Variants in RERE observed in about 807,000 individuals in gnomAD.
The protein encoded by RERE is arginine-glutamic acid dipeptide repeats.
A neutral mutation model predicts 146.1 loss-of-function variants in RERE; 40 were observed. The observed-to-expected ratio is 0.27, with a 90% CI of 0.21 to 0.36. The LOEUF is 0.36. Ranked by LOEUF, RERE falls within the 10% of genes least tolerant of loss-of-function variation. The probability of loss-of-function intolerance (pLI) is 1.00; values close to 1 mark genes in which losing one functional copy is unlikely to be tolerated. For synonymous variants in RERE, 1,003 were observed against 866.0 expected (o/e 1.16, Z -2.78); for missense variants, 1,933 against 2,138.7 (o/e 0.90, Z 1.90).
At chr1:8,483,655 A>G (rs1644862928) in intron 10 of RERE, among the ~76,000 whole-genome samples, 1 of 152,246 alleles carries the variant, frequency 6.6e-6, no homozygotes, top group African/African-American at 2.4e-5. Flanking sequence ...TGTGTCAGGC[A>G]TCAGACTAGG....
In RERE at chr1:8,403,825, C is replaced by CTTTTTTTTTTTTTTTTTTTTTTTTTTT. The variant is rs869295197; in HGVS notation, c.1284+18901_1284+18902insAAAAAAAAAAAAAAAAAAAAAAAAAAA. On this transcript the variant is annotated intron_variant, in intron 12 of 22. Transcript: ENST00000400908. ...TCTATTTTTCTTAATAAAATCTTAG[C>CTTTTTTTTTTTTTTTTTTTTTTTTTTT]TTTTTTTTTTTTTTTTTTTTTTTGA... is the stretch of plus-strand genomic sequence containing the variant. 1.7e-4 allele frequency among the ~76,000 whole-genome samples: 12 copies of CTTTTTTTTTTTTTTTTTTTTTTTTTTT among 70,866 alleles called. 3 individuals carry two copies. The highest frequency in any genetic ancestry group is 7.1e-4 in the African/African-American group (12 of 17,002). The allele number at this position is 70,866 out of a possible 152,430, so 46.5% of individuals were successfully genotyped here.
In RERE at chr1:8,480,715, C is replaced by T. The variant is rs375641710; in HGVS notation, c.1104+14348G>A. Among the ~76,000 whole-genome samples, 82 of 152,274 alleles carry T rather than the reference C, an allele frequency of 5.4e-4. No homozygotes were observed. In the East Asian group the frequency reaches 0.014, roughly 26 times the overall value. ...CCTCCCAAAATGCTGGGATTACAGG[C>T]ACGAGCCACCGCATCCGGCCTAAGC... On this transcript the variant is annotated intron_variant, in intron 10 of 22. Coordinates refer to ENST00000400908, the MANE Select transcript of RERE (RefSeq NM_001042681.2).
At position 8,803,459 on chromosome 1, in the gene RERE, ACT is replaced by A. The variant is rs540444628; in HGVS notation, c.-145+13699_-145+13700del. On this transcript the variant is annotated intron_variant, in intron 1 of 22. Coordinates refer to ENST00000400908, the MANE Select transcript of RERE (RefSeq NM_001042681.2). ...CACTCCAGCCTGGGGACAGAGTGAG[ACT>A]CTGTCTCAAAAATAAAAATAAAAAA... 1.1e-4 allele frequency among the ~76,000 whole-genome samples: 17 copies of A among 152,156 alleles called. No individual in the cohort carries two copies. In the South Asian group the frequency reaches 3.1e-3, roughly 28 times the overall value.
chr1:8,757,919 C>CACATACACACACACAT (rs1553145839), intron 1 of RERE, among the ~76,000 whole-genome samples: 3 of 150,638 alleles, frequency 2.0e-5, no homozygotes, highest in Admixed American at 2.0e-4. Flanking sequence ...CATACACACA[C>CACATACACACACACAT]ACACACACAC....
intron 1 of RERE, among the ~76,000 whole-genome samples, chr1:8,752,324 T>C (rs1451019651): frequency 6.6e-6 from 1 of 152,144 alleles, no homozygotes; most frequent in Admixed American, 6.6e-5. Flanking sequence ...CATATTCTTG[T>C]ACTAAAGCAT....
At chr1:8,505,803 T>C (rs771304248) in intron 8 of RERE, among the ~76,000 whole-genome samples, 5 of 152,226 alleles carry the variant, frequency 3.3e-5, no homozygotes, top group Non-Finnish European at 5.9e-5. Context: ...AGTGCTGGGA[T>C]TACAGGCGTG....
intron 4 of RERE, among the ~76,000 whole-genome samples, chr1:8,558,106 A>C (rs1469897847): frequency 6.6e-6 from 1 of 152,234 alleles, no homozygotes; most frequent in Non-Finnish European, 1.5e-5. Flanking sequence ...TGAAGGTACT[A>C]TGAGTCCAGA....
intron 2 of RERE, among the ~76,000 whole-genome samples, chr1:8,643,161 T>C (rs1647203439): frequency 6.6e-6 from 1 of 152,156 alleles, no homozygotes; most frequent in African/African-American, 2.4e-5. Context: ...GCTCAAACAA[T>C]TTCTGGATCA....
chr1:8,373,041 A>G (rs1254058455), intron 12 of RERE, among the ~76,000 whole-genome samples: 2 of 152,234 alleles, frequency 1.3e-5, no homozygotes, highest in Non-Finnish European at 2.9e-5. Flanking sequence ...AAGCCCACCT[A>G]CCACTGTCAG....
At chr1:8,586,689 A>C (rs1012841038) in intron 4 of RERE, among the ~76,000 whole-genome samples, 4 of 152,228 alleles carry the variant, frequency 2.6e-5, no homozygotes, top group Admixed American at 1.3e-4. Context: ...ATGAGCAGAT[A>C]AAAGATGGAT....
At chr1:8,811,793 C>T (rs1205576238) in intron 1 of RERE, among the ~76,000 whole-genome samples, 4 of 152,362 alleles carry the variant, frequency 2.6e-5, no homozygotes, top group Middle Eastern at 3.4e-3. Flanking sequence ...CACAAGCTCT[C>T]TTTTAAGGTT....
intron 1 of RERE, among the ~76,000 whole-genome samples, chr1:8,701,245 A>C (rs547646526): frequency 2.6e-5 from 4 of 151,918 alleles, no homozygotes; most frequent in South Asian, 2.1e-4. Context: ...TAAAAAATGA[A>C]TTGCCATATA....
chr1:8,502,308 T>C (rs1474612663), intron 8 of RERE, among the ~76,000 whole-genome samples: 16 of 90,768 alleles, frequency 1.8e-4, no homozygotes, highest in African/African-American at 4.5e-4. Flanking sequence ...CCCCTCTGCC[T>C]GGCGAGCCGC....
intron 1 of RERE, among the ~76,000 whole-genome samples, chr1:8,789,301 A>AAAAAAAAAAATAT: frequency 6.9e-4 from 17 of 24,810 alleles, no homozygotes; most frequent in South Asian, 1.4e-3. Flanking sequence ...AAAAAAAAAA[A>AAAAAAAAAAATAT]ATATATATAT....
At chr1:8,416,386 C>G (rs1460584994) in intron 12 of RERE, among the ~76,000 whole-genome samples, 1 of 152,024 alleles carries the variant, frequency 6.6e-6, no homozygotes, top group Non-Finnish European at 1.5e-5. Context: ...GAGATCGAGA[C>G]CATCCTGGTT....
In RERE at chr1:8,372,507, CGTGTGTGT is replaced by C. The variant is rs6143111; in HGVS notation, c.1285-6541_1285-6534del. Among the ~76,000 whole-genome samples, 51 of 131,828 alleles carry C rather than the reference CGTGTGTGT, an allele frequency of 3.9e-4. 1 individual carries two copies. Among genetic ancestry groups the C allele is most frequent in the South Asian group, 3.7e-3 (13 of 3,538 alleles). 86.5% of individuals were successfully genotyped at this position (131,828 alleles called of 152,430 possible). On this transcript the variant is annotated intron_variant, in intron 12 of 22. Transcript: ENST00000400908. ...TGCAGCCTGCCACCTACCATCAGGT[CGTGTGTGT>C]GTGTGTGTGTGTGTGTGTGTGTGTG...
intron 12 of RERE, among the ~76,000 whole-genome samples, chr1:8,397,548 A>T (rs1405611334): frequency 6.6e-6 from 1 of 151,686 alleles, no homozygotes; most frequent in Non-Finnish European, 1.5e-5. Flanking sequence ...TTCTGATCCC[A>T]GTTACCAAAC....
intron 16 of RERE, 48 bp downstream of exon 16, chr1:8,362,635 A>AT: frequency 6.2e-7 from 1 of 1,612,546 alleles, no homozygotes; most frequent in African/African-American, 1.3e-5. Context: ...ACCAGTTTTA[A>AT]TGTGAGGGAG....
intron 8 of RERE, among the ~76,000 whole-genome samples, chr1:8,498,557 G>A (rs185869361): frequency 6.0e-4 from 91 of 150,836 alleles, no homozygotes; most frequent in African/African-American, 2.2e-3. Context: ...TTAGCCAGGC[G>A]TGGTGGTATG....
Sources: gnomAD v4.1 joint callset for allele counts (sites outside exome capture counted in the v4.1 genomes callset) on GRCh38, gnomAD v4.1.1 for gene constraint, MANE v1.5 for transcripts, NCBI Gene and HGNC (gene_info 2026-07-23, HGNC 2026-07-21) for gene names.